BANK1: variants seen among roughly 807,000 people sequenced by gnomAD.
The protein encoded by BANK1 is B-cell scaffold protein with ankyrin repeats.
In BANK1, 95 loss-of-function variants were observed where a neutral mutation model predicts 94.5. That is an observed-to-expected ratio of 1.00 (90% CI 0.85 to 1.19). The LOEUF is 1.19. BANK1 is among the 50% of genes most tolerant of loss of function. BANK1 has a pLI of 0.00. For missense variants in BANK1, 987 were observed against 932.2 expected, an observed-to-expected ratio of 1.06 and a Z score of -0.77; for synonymous variants, 334 against 308.4, an observed-to-expected ratio of 1.08 and a Z score of -0.87.
chr4:102,015,652 G>A (rs943457258), intron 7 of BANK1, among the ~76,000 whole-genome samples: 29 of 152,146 alleles, frequency 1.9e-4, no homozygotes, highest in African/African-American at 6.3e-4. Flanking sequence ...CTGGTTACCA[G>A]ACAGTGAGCT....
intron 7 of BANK1, among the ~76,000 whole-genome samples, chr4:101,960,234 G>C (rs532177841): frequency 6.6e-6 from 1 of 152,240 alleles, no homozygotes; most frequent in African/African-American, 2.4e-5. Context: ...ATATTCACTT[G>C]TAAGGAAAAT....
intron 7 of BANK1, among the ~76,000 whole-genome samples, chr4:102,020,724 A>T (rs1022237558): frequency 8.5e-5 from 13 of 152,158 alleles, no homozygotes; most frequent in African/African-American, 3.1e-4. Context: ...ATTTCAATTA[A>T]TTTTTTAAGA....
chr4:101,822,602 G>A (rs1442957366), intron 1 of BANK1, among the ~76,000 whole-genome samples: 1 of 149,918 alleles, frequency 6.7e-6, no homozygotes, highest in Non-Finnish European at 1.5e-5. Flanking sequence ...GGTCAGTGTT[G>A]TCTTGGAATC....
At chr4:101,891,148 C>G (rs7656720) in intron 5 of BANK1, among the ~76,000 whole-genome samples, 83,888 of 151,766 alleles carry the variant, frequency 0.55, 24,493 homozygotes, top group African/African-American at 0.75. Flanking sequence ...TAACCTTATA[C>G]TTTAGAGAAC....
intron 7 of BANK1, among the ~76,000 whole-genome samples, chr4:101,921,862 T>C (rs1019668726): frequency 3.3e-5 from 5 of 152,068 alleles, no homozygotes; most frequent in African/African-American, 1.2e-4. Context: ...GAAAATCAGC[T>C]TTCCATGCAC....
At chr4:101,960,333 C>T (rs1473404009) in intron 7 of BANK1, among the ~76,000 whole-genome samples, 1 of 151,912 alleles carries the variant, frequency 6.6e-6, no homozygotes, top group African/African-American at 2.4e-5. Flanking sequence ...CAGTCATATA[C>T]AAGTTAAAAA....
chr4:102,042,915 G>T (rs1200666383), intron 10 of BANK1, among the ~76,000 whole-genome samples: 1 of 151,962 alleles, frequency 6.6e-6, no homozygotes, highest in Non-Finnish European at 1.5e-5. Context: ...TGAAGTTCAA[G>T]GCTTCTCGGT....
chr4:102,020,026 A>C (rs917478513), intron 7 of BANK1, among the ~76,000 whole-genome samples: 2 of 152,172 alleles, frequency 1.3e-5, no homozygotes, highest in Non-Finnish European at 2.9e-5. Flanking sequence ...TTTCAGCCTC[A>C]GTACATACAC....
At chr4:101,929,848 T>A (rs1031200878) in intron 7 of BANK1, among the ~76,000 whole-genome samples, 1 of 151,490 alleles carries the variant, frequency 6.6e-6, no homozygotes, top group African/African-American at 2.4e-5. Flanking sequence ...TGCTGCAATT[T>A]TTTTAATTAG....
At chr4:101,923,147 A>G (rs1490360538) in intron 7 of BANK1, among the ~76,000 whole-genome samples, 1 of 151,834 alleles carries the variant, frequency 6.6e-6, no homozygotes, top group Non-Finnish European at 1.5e-5. Context: ...AATATATAGA[A>G]GACCCACAAA....
chr4:101,895,632 A>G (rs1394202510), intron 6 of BANK1, among the ~76,000 whole-genome samples: 4 of 151,938 alleles, frequency 2.6e-5, no homozygotes, highest in African/African-American at 9.7e-5. Context: ...AACTTTTGCA[A>G]TTAAAAAGCT....
intron 10 of BANK1, among the ~76,000 whole-genome samples, chr4:102,041,958 G>C (rs1309025742): frequency 6.6e-6 from 1 of 151,904 alleles, no homozygotes; most frequent in Non-Finnish European, 1.5e-5. Flanking sequence ...TCATTTCCAA[G>C]TACTTTGTAG....
intron 7 of BANK1, among the ~76,000 whole-genome samples, chr4:101,945,950 G>A (rs190117028): frequency 1.0e-3 from 156 of 152,022 alleles, no homozygotes; most frequent in Middle Eastern, 0.01. Context: ...GTGAGAGGGG[G>A]CTACGTTTAT....
intron 5 of BANK1, among the ~76,000 whole-genome samples, chr4:101,876,923 G>A (rs932617714): frequency 2.0e-5 from 3 of 152,020 alleles, no homozygotes; most frequent in Non-Finnish European, 2.9e-5. Flanking sequence ...ATGCCTCAGA[G>A]TCTTTTAATA....
chr4:101,920,640 A>T (rs1322326316), intron 7 of BANK1, among the ~76,000 whole-genome samples: 1 of 151,942 alleles, frequency 6.6e-6, no homozygotes, highest in African/African-American at 2.4e-5. Context: ...CTACTAGTGG[A>T]CTACACTTCT....
intron 5 of BANK1, among the ~76,000 whole-genome samples, chr4:101,887,685 G>A (rs1234571986): frequency 6.6e-6 from 1 of 152,178 alleles, no homozygotes; most frequent in East Asian, 1.9e-4. Context: ...CCACTTGCAA[G>A]TATTTAAAGA....
chr4:101,824,270 T>A (rs1404036805), intron 1 of BANK1, among the ~76,000 whole-genome samples: 1 of 152,134 alleles, frequency 6.6e-6, no homozygotes, highest in Non-Finnish European at 1.5e-5. Context: ...AAGTCCTCAG[T>A]CAGTAAAGCA....
At chr4:101,829,426 T>C (rs982984374) in intron 1 of BANK1, among the ~76,000 whole-genome samples, 19 of 132,888 alleles carry the variant, frequency 1.4e-4, no homozygotes, top group African/African-American at 6.4e-4. Flanking sequence ...TCCTCCTTTG[T>C]TTTTTTTTGA....
intron 1 of BANK1, among the ~76,000 whole-genome samples, chr4:101,792,469 G>GTGTTTT (rs1458927726): frequency 1.0e-5 from 1 of 97,644 alleles, no homozygotes; most frequent in Admixed American, 1.1e-4. Flanking sequence ...GTGTGTGTGT[G>GTGTTTT]TTTTTTTTTT....
Sources: allele counts gnomAD v4.1 joint callset (sites outside exome capture counted in the v4.1 genomes callset), GRCh38; gene constraint gnomAD v4.1.1; transcripts MANE v1.5; gene names NCBI Gene and HGNC (gene_info 2026-07-23, HGNC 2026-07-21).